Variants in CLIC5 observed in about 807,000 individuals in gnomAD.
CLIC5 encodes CLIC family member 5.
A neutral mutation model predicts 24.7 loss-of-function variants in CLIC5; 20 were observed. The observed-to-expected ratio is 0.81, with a 90% confidence interval of 0.57 to 1.18. The LOEUF is 1.18. Among genes scored for constraint, CLIC5 ranks in the 50% most tolerant of loss-of-function variants. The pLI, the probability that CLIC5 is intolerant of heterozygous loss-of-function variation, is 0.00. For synonymous variants in CLIC5, 159 were observed against 135.6 expected (o/e 1.17, Z -1.20); for missense variants, 341 against 326.1 (o/e 1.05, Z -0.35).
At chr6:46,026,864 A>G (rs1767344896) in intron 1 of CLIC5, among the ~76,000 whole-genome samples, 1 of 152,190 alleles carries the variant, frequency 6.6e-6, no homozygotes, top group Non-Finnish European at 1.5e-5. Context: ...CAGCATTGAG[A>G]AAAGATGCTC....
At chr6:45,968,217 C>G (rs1381862247) in intron 1 of CLIC5, among the ~76,000 whole-genome samples, 1 of 152,214 alleles carries the variant, frequency 6.6e-6, no homozygotes, top group Non-Finnish European at 1.5e-5. Flanking sequence ...CTCAGCCACT[C>G]TTGGCCAGCA....
chr6:46,008,277 G>A (rs1766665921), intron 1 of CLIC5, among the ~76,000 whole-genome samples: 3 of 152,066 alleles, frequency 2.0e-5, no homozygotes, highest in African/African-American at 4.8e-5. Flanking sequence ...GTACTCATAA[G>A]CCCTGAGCAT....
intron 1 of CLIC5, among the ~76,000 whole-genome samples, chr6:46,028,027 G>A (rs890403098): frequency 3.9e-5 from 6 of 152,106 alleles, no homozygotes; most frequent in African/African-American, 1.4e-4. Flanking sequence ...TATAGACTCA[G>A]TCGTTTATCC....
intron 3 of CLIC5, among the ~76,000 whole-genome samples, chr6:45,942,946 T>A (rs1561952188): frequency 6.6e-6 from 1 of 152,250 alleles, no homozygotes; most frequent in Non-Finnish European, 1.5e-5. Context: ...GATGAGAACC[T>A]GGTTTCCTGG....
At position 45,958,441 on chromosome 6, in the gene CLIC5, T is replaced by TATACACACACACACACACACACAC. The variant is rs1554151284; in HGVS notation, c.64-3198_64-3197insGTGTGTGTGTGTGTGTGTGTGTAT. Among the ~76,000 whole-genome samples the TATACACACACACACACACACACAC allele has an allele frequency of 2.2e-4, 4 of 17,944 alleles. 1 individual carries two copies. Among genetic ancestry groups the TATACACACACACACACACACACAC allele is most frequent in the Admixed American group, 5.3e-4 (1 of 1,870 alleles). The allele number at this position is 17,944 out of a possible 152,430, so 11.8% of individuals were successfully genotyped here. On this transcript the variant is annotated intron_variant, in intron 1 of 5. Coordinates refer to ENST00000339561, the MANE Select transcript of CLIC5 (RefSeq NM_016929.5). ...AGACAATTATATATATATATATATA[T>TATACACACACACACACACACACAC]ATATATATATATATATATATATATA... is the stretch of plus-strand genomic sequence containing the variant.
At position 46,012,897 on chromosome 6, in the gene CLIC5, T is replaced by C. The variant is rs148119195; in HGVS notation, c.63+2583A>G. On this transcript the variant is annotated intron_variant, in intron 1 of 5. Transcript: ENST00000339561. ...TTTCACATAAGTGAATCAAGCCTTA[T>C]AAAGTTGCTGATGATCAAATGAGAT... is the stretch of plus-strand genomic sequence containing the variant. 5.5e-4 allele frequency among the ~76,000 whole-genome samples: 84 copies of C among 152,358 alleles called. No homozygotes were observed. The East Asian group carries it at 0.015, about 27-fold the overall frequency.
intron 2 of CLIC5, among the ~76,000 whole-genome samples, chr6:45,950,564 C>T (rs115384545): frequency 0.012 from 1,882 of 152,168 alleles, 43 homozygotes; most frequent in African/African-American, 0.043. Flanking sequence ...GAGTGAGACT[C>T]GGTCTCAAAA....
chr6:46,061,267 G>A (rs1277502322), intron 1 of CLIC5, among the ~76,000 whole-genome samples: 2 of 152,174 alleles, frequency 1.3e-5, no homozygotes, highest in Non-Finnish European at 2.9e-5. Flanking sequence ...ATAGCTGACT[G>A]CAACCTCTGT....
intron 4 of CLIC5, among the ~76,000 whole-genome samples, chr6:45,925,699 G>A (rs1167291740): frequency 6.6e-6 from 1 of 152,206 alleles, no homozygotes; most frequent in East Asian, 1.9e-4. Context: ...GTTCAGTGGG[G>A]TTTGAGGAAA....
chr6:46,070,899 T>C (rs1470993342), intron 1 of CLIC5, among the ~76,000 whole-genome samples: 1 of 151,908 alleles, frequency 6.6e-6, no homozygotes, highest in African/African-American at 2.4e-5. Flanking sequence ...TGGAACAGAA[T>C]AGACAGCCCC....
intron 1 of CLIC5, among the ~76,000 whole-genome samples, chr6:46,006,051 T>C (rs1159208134): frequency 1.4e-5 from 2 of 139,124 alleles, no homozygotes; most frequent in Non-Finnish European, 3.1e-5. Context: ...TGTATAAATA[T>C]ATATATACAT....
chr6:46,048,144 A>G (rs533709358), intron 1 of CLIC5, among the ~76,000 whole-genome samples: 2 of 152,184 alleles, frequency 1.3e-5, no homozygotes, highest in East Asian at 3.9e-4. Context: ...CTGAGATTAC[A>G]GGTGCATGCC....
Position 46,056,340 on chromosome 6 carries a change from A to G in CLIC5, c.540+23363T>C, listed in dbSNP as rs190955738. On this transcript the variant is annotated intron_variant, in intron 1 of 5. Transcript: ENST00000185206. ...AATTGGGAAAAAGTTCCCCTTCTGGACAAATAATGTAGAATAAATTTCCCC... is the reference window on the plus strand; with the variant it reads ...AATTGGGAAAAAGTTCCCCTTCTGGGCAAATAATGTAGAATAAATTTCCCC... 7.2e-5 allele frequency among the ~76,000 whole-genome samples: 11 copies of G among 152,124 alleles called. No homozygotes were observed. In the East Asian group the frequency reaches 2.1e-3, roughly 29 times the overall value.
Position 46,021,176 on chromosome 6 carries a change from A to G in CLIC5, c.540+58527T>C, listed in dbSNP as rs187051681. 1.9e-4 allele frequency among the ~76,000 whole-genome samples: 29 copies of G among 152,252 alleles called. No individual in the cohort carries two copies. In the East Asian group the frequency reaches 5.2e-3, roughly 27 times the overall value. Reference sequence around the variant, plus strand: ...AACCTAGAAGACTTACCAATGGCAAACACATGAAAATATGCTCAACGTTCT... The same window carrying G: ...AACCTAGAAGACTTACCAATGGCAAGCACATGAAAATATGCTCAACGTTCT... On this transcript the variant is annotated intron_variant, in intron 1 of 5. Transcript: ENST00000185206.
At chr6:46,007,350 T>C (rs1766622424) in intron 1 of CLIC5, among the ~76,000 whole-genome samples, 1 of 152,222 alleles carries the variant, frequency 6.6e-6, no homozygotes, top group Non-Finnish European at 1.5e-5. Flanking sequence ...CCATTCTAGA[T>C]GTGGACACTA....
intron 1 of CLIC5, among the ~76,000 whole-genome samples, chr6:45,971,624 G>T (rs3777596): frequency 0.38 from 57,434 of 152,016 alleles, 12,145 homozygotes; most frequent in African/African-American, 0.57. Context: ...ATTGTTTTTT[G>T]ATGGAGCCTC....
At chr6:45,893,230 G>GT (rs11414475) in intron 6 of CLIC5, among the ~76,000 whole-genome samples, 1,783 of 140,452 alleles carry the variant, frequency 0.013, 31 homozygotes, top group African/African-American at 0.039. Context: ...TGCCACCCTG[G>GT]TTTTTTTTTT....
At chr6:46,040,150 C>T (rs570452358) in intron 1 of CLIC5, among the ~76,000 whole-genome samples, 2 of 152,164 alleles carry the variant, frequency 1.3e-5, no homozygotes, top group Admixed American at 6.5e-5. Context: ...TGAATGTTTC[C>T]GTTAATGGTA....
At chr6:46,102,032 T>C in the CLIC5 span, among the ~76,000 whole-genome samples, 1 of 152,074 alleles carries the variant, frequency 6.6e-6, no homozygotes, top group Non-Finnish European at 1.5e-5. Context: ...GGTAAATTTA[T>C]GTCCTAGGTT....
Sources: allele counts gnomAD v4.1 joint callset (sites outside exome capture counted in the v4.1 genomes callset), GRCh38; gene constraint gnomAD v4.1.1; transcripts MANE v1.5; gene names NCBI Gene and HGNC (gene_info 2026-07-23, HGNC 2026-07-21).